RPA1: variants seen among roughly 807,000 people sequenced by gnomAD.
The protein encoded by RPA1 is replication protein A 70 kDa DNA-binding subunit.
Under a neutral mutation model 83.0 loss-of-function variants are expected in RPA1, and 49 were observed. The ratio of observed to expected loss-of-function variants is 0.59; its 90% CI spans 0.47 to 0.75. The LOEUF is 0.75. Ranked by LOEUF, RPA1 falls within the 30% of genes least tolerant of loss-of-function variation. The pLI is 0.00. For synonymous variants in RPA1, 279 were observed against 281.8 expected, an observed-to-expected ratio of 0.99 and a Z score of 0.10; for missense variants, 693 against 776.1, an observed-to-expected ratio of 0.89 and a Z score of 1.27.
At chr17:1,860,643 G>A (rs1912917838) in intron 5 of RPA1, among the ~76,000 whole-genome samples, 1 of 149,794 alleles carries the variant, frequency 6.7e-6, no homozygotes, top group Non-Finnish European at 1.5e-5. Context: ...CACAATGACA[G>A]TATTTGTTGT....
intron 1 of RPA1, among the ~76,000 whole-genome samples, chr17:1,831,404 C>G (rs1159269605): frequency 6.6e-6 from 1 of 152,136 alleles, no homozygotes; most frequent in Non-Finnish European, 1.5e-5. Flanking sequence ...ATCAAGCCCA[C>G]TGGCTTCTCT....
chr17:1,891,358 G>A (rs1914194168), intron 14 of RPA1, among the ~76,000 whole-genome samples: 1 of 152,124 alleles, frequency 6.6e-6, no homozygotes, highest in Admixed American at 6.6e-5. Context: ...CTACAGAGTG[G>A]GCAATTGAAA....
chr17:1,858,047 C>A, intron 5 of RPA1: 1 of 1,612,492 alleles, frequency 6.2e-7, no homozygotes, highest in Admixed American at 1.7e-5. Context: ...CTTCACATGG[C>A]TGCCAGCCCC....
At chr17:1,838,183 C>T (rs936796366) in intron 1 of RPA1, among the ~76,000 whole-genome samples, 13 of 150,928 alleles carry the variant, frequency 8.6e-5, no homozygotes, top group Non-Finnish European at 1.3e-4. Flanking sequence ...CCCAGCTACT[C>T]GGGAGGCTGA....
chr17:1,848,945 C>T (rs375120249), intron 4 of RPA1, among the ~76,000 whole-genome samples: 5 of 152,186 alleles, frequency 3.3e-5, no homozygotes, highest in East Asian at 3.9e-4. Flanking sequence ...GATGGGCATT[C>T]GGATTATTTC....
At chr17:1,861,008 A>G (rs949161103) in intron 5 of RPA1, among the ~76,000 whole-genome samples, 1 of 152,150 alleles carries the variant, frequency 6.6e-6, no homozygotes, top group Admixed American at 6.5e-5. Flanking sequence ...CCCCATGAAT[A>G]TGAATTTTTC....
chr17:1,840,648 G>A (rs142631400), intron 1 of RPA1, among the ~76,000 whole-genome samples: 4 of 152,242 alleles, frequency 2.6e-5, no homozygotes, highest in African/African-American at 9.6e-5. Flanking sequence ...GAGCTCAAGC[G>A]ATCCTCCTGC....
chr17:1,870,046 A>G (rs1017556113), intron 5 of RPA1, among the ~76,000 whole-genome samples: 6 of 152,170 alleles, frequency 3.9e-5, no homozygotes, highest in African/African-American at 1.4e-4. Context: ...GGATCTAGTC[A>G]TAAAAGCCTC....
chr17:1,855,091 A>G (rs954332673), intron 5 of RPA1, among the ~76,000 whole-genome samples: 10 of 152,138 alleles, frequency 6.6e-5, no homozygotes, highest in African/African-American at 2.2e-4. Flanking sequence ...AGTTTTGTCA[A>G]ATGCATTTTC....
At chr17:1,855,166 G>T (rs1215413370) in intron 5 of RPA1, among the ~76,000 whole-genome samples, 1 of 151,906 alleles carries the variant, frequency 6.6e-6, no homozygotes, top group African/African-American at 2.4e-5. Flanking sequence ...GAGTTACATT[G>T]ATTGATTTTT....
At chr17:1,841,071 T>A (rs1420254409) in intron 1 of RPA1, among the ~76,000 whole-genome samples, 3 of 152,118 alleles carry the variant, frequency 2.0e-5, no homozygotes, top group African/African-American at 2.4e-5. Flanking sequence ...TCAAAAAAAA[T>A]AAAATAAAAT....
Position 1,884,020 on chromosome 17 carries a change from A to G in RPA1, c.1374+76A>G. The G allele has an allele frequency of 6.3e-6, 10 of 1,584,566 alleles. No homozygotes were observed. The highest frequency in any genetic ancestry group is 1.3e-5 in the African/African-American group (1 of 74,370). On this transcript the variant is annotated intron_variant, in intron 13 of 16. Transcript: ENST00000254719. The surrounding 1 kb of genome is among the most constrained non-coding windows in gnomAD (Gnocchi z 4.1). The stretch of plus-strand genomic sequence containing the variant: ...GGATGGATTTAGAAACTTGGTTTCC[A>G]GCACCAGCTGTCAGAGCCGTAATTC...
At chr17:1,882,627 C>T (rs1913838128) in intron 12 of RPA1, among the ~76,000 whole-genome samples, 1 of 152,262 alleles carries the variant, frequency 6.6e-6, no homozygotes, top group African/African-American at 2.4e-5. Context: ...TTGGTACCAC[C>T]ACACTCCATC....
chr17:1,862,192 G>A (rs970436679), intron 5 of RPA1, among the ~76,000 whole-genome samples: 49 of 99,798 alleles, frequency 4.9e-4, no homozygotes, highest in Non-Finnish European at 7.9e-4. Flanking sequence ...GCCCCCAACC[G>A]TATTTTTTTT....
intron 5 of RPA1, among the ~76,000 whole-genome samples, chr17:1,867,522 C>T (rs2151281894): frequency 6.6e-6 from 1 of 151,948 alleles, no homozygotes; most frequent in South Asian, 2.1e-4. Context: ...GCCTGGGCAA[C>T]ATAGTGAGAC....
chr17:1,895,746 G>A (rs549847418), intron 16 of RPA1, among the ~76,000 whole-genome samples: 6 of 151,380 alleles, frequency 4.0e-5, no homozygotes, highest in East Asian at 1.9e-4. Flanking sequence ...GCAGTGGGAC[G>A]ATCTTGGCTC....
chr17:1,834,448 G>T (rs1911734306), intron 1 of RPA1, among the ~76,000 whole-genome samples: 1 of 152,232 alleles, frequency 6.6e-6, no homozygotes, highest in African/African-American at 2.4e-5. Context: ...ACATGTGTTT[G>T]TGGTGATGGA....
intron 5 of RPA1, among the ~76,000 whole-genome samples, chr17:1,853,729 T>TA (rs942263773): frequency 1.5e-4 from 23 of 151,570 alleles, no homozygotes; most frequent in African/African-American, 4.6e-4. Context: ...TATACTAGAC[T>TA]AAAAAAAAAT....
At chr17:1,848,204 T>C (rs768106914) in intron 4 of RPA1, among the ~76,000 whole-genome samples, 6 of 152,160 alleles carry the variant, frequency 3.9e-5, no homozygotes, top group Non-Finnish European at 5.9e-5. Flanking sequence ...GATTATCCAC[T>C]CTGGAAGGGT....
Sources: allele counts gnomAD v4.1 joint callset (sites outside exome capture counted in the v4.1 genomes callset), GRCh38; gene constraint gnomAD v4.1.1; non-coding constraint Gnocchi (gnomAD v3.1); transcripts MANE v1.5; gene names NCBI Gene and HGNC (gene_info 2026-07-23, HGNC 2026-07-21).